COL6A5: variants seen among roughly 807,000 people sequenced by gnomAD.
COL6A5 encodes the protein collagen type VI alpha 5 chain, also known as collagen alpha-5(VI) chain.
A neutral mutation model predicts 65.6 loss-of-function variants in COL6A5; 48 were observed. That is an observed-to-expected ratio of 0.73 (90% CI 0.58 to 0.93). The LOEUF is 0.93. Among genes scored for constraint, COL6A5 ranks in the 40% least tolerant of loss-of-function variants. The pLI is 0.00. For missense variants in COL6A5, 914 were observed against 928.3 expected (o/e 0.98, Z 0.20); for synonymous variants, 291 against 322.8 (o/e 0.90, Z 1.05).
chr3:130,384,798 T>C lies in COL6A5; in HGVS notation c.1301-6T>C, dbSNP rs746522813. 3 of 1,525,026 alleles carry C rather than the reference T, an allele frequency of 2.0e-6. No homozygotes were observed. The highest frequency in any genetic ancestry group is 2.6e-6 in the Non-Finnish European group (3 of 1,136,198). The allele number at this position is 1,525,026 out of a possible 1,614,324, so 94.5% of individuals were successfully genotyped here. A position where few individuals can be genotyped will look rare whatever the true frequency, so the allele number is the denominator to read the frequency against. ...CTAATTTACAGAGAATGCACTTCTT[T>C]TTCAGGCTGTGTGGATACAAAAGAG... On this transcript the variant is annotated splice_region_variant and splice_polypyrimidine_tract_variant and intron_variant and NMD_transcript_variant, in intron 4 of 41. Transcript: ENST00000312481.
At chr3:130,414,808 G>A (rs563256722) in intron 22 of COL6A5, among the ~76,000 whole-genome samples, 5 of 151,970 alleles carry the variant, frequency 3.3e-5, no homozygotes, top group Admixed American at 6.6e-5. Flanking sequence ...CCTATTCTAA[G>A]GTCTTCCCAG....
chr3:130,482,805 C>T (rs1240349783), intron 7 of COL6A5, among the ~76,000 whole-genome samples: 1 of 152,158 alleles, frequency 6.6e-6, no homozygotes, highest in East Asian at 1.9e-4. Context: ...CTCTTTGTAG[C>T]AATCGTGAAT....
chr3:130,400,928 T>C, intron 10 of COL6A5, 103 bp from the exon 11 acceptor site: 2 of 986,554 alleles, frequency 2.0e-6, no homozygotes, highest in Non-Finnish European at 2.8e-6. Flanking sequence ...TTTTTCCCCT[T>C]TTCAATTCTT....
chr3:130,358,569 T>C (rs554086352), intron 1 of COL6A5, among the ~76,000 whole-genome samples: 1 of 152,294 alleles, frequency 6.6e-6, no homozygotes, highest in Admixed American at 6.5e-5. Flanking sequence ...AGTGTACAGT[T>C]CATAGAAAAA....
chr3:130,420,480 C>T (rs1937493535), intron 25 of COL6A5, among the ~76,000 whole-genome samples: 1 of 152,082 alleles, frequency 6.6e-6, no homozygotes, highest in African/African-American at 2.4e-5. Flanking sequence ...AACAACACAG[C>T]AATGAACATT....
chr3:130,368,390 C>T (rs947625184), intron 1 of COL6A5, among the ~76,000 whole-genome samples: 1 of 152,186 alleles, frequency 6.6e-6, no homozygotes, highest in Non-Finnish European at 1.5e-5. Flanking sequence ...CAGTAATTAA[C>T]TCAATCCAGC....
At chr3:130,424,443 G>C (rs1177760931) in intron 29 of COL6A5, among the ~76,000 whole-genome samples, 1 of 152,068 alleles carries the variant, frequency 6.6e-6, no homozygotes, top group African/African-American at 2.4e-5. Context: ...CTCTATTTTA[G>C]TGCCTCCCAG....
chr3:130,408,796 A>C (rs1937084023), intron 17 of COL6A5, among the ~76,000 whole-genome samples: 1 of 152,214 alleles, frequency 6.6e-6, no homozygotes. Context: ...AAAATAGAAA[A>C]GAAACTACGT....
chr3:130,471,706 A>C, intron 7 of COL6A5: 1 of 1,534,758 alleles, frequency 6.5e-7, no homozygotes, highest in South Asian at 1.2e-5. Context: ...TATATGAAAT[A>C]AAGACAGAAA....
chr3:130,471,648 A>T (rs1709954607), intron 7 of COL6A5, 34 bp from the exon 40 acceptor site: 2 of 1,524,496 alleles, frequency 1.3e-6, no homozygotes, highest in Admixed American at 2.0e-5. Context: ...GACTTGGCTA[A>T]CTAATTTTTT....
rs184817386 is a variant in COL6A5, at chr3:130,384,862, C to A, written c.1359C>A (p.Ile453=). The change falls in exon 5 of 42, where the codon ATC becomes ATA. Residue 453 remains isoleucine, a synonymous_variant and NMD_transcript_variant. Coordinates refer to the COL6A5 transcript ENST00000312481. Reference sequence around the variant, plus strand: ...TCCTCATTGATGGCTCAAGCAGCATCCAGGAGAAACAGTTTGAGCAAATCA... The same window carrying A: ...TCCTCATTGATGGCTCAAGCAGCATACAGGAGAAACAGTTTGAGCAAATCA... The A allele has an allele frequency of 6.2e-4, 969 of 1,550,550 alleles. 18 individuals carry two copies. Among genetic ancestry groups the A allele is most frequent in the Non-Finnish European group, 4.3e-5 (49 of 1,146,340 alleles).
chr3:130,405,694 C>G (rs1342298928), intron 14 of COL6A5, 35 bp downstream of exon 14: 2 of 1,438,768 alleles, frequency 1.4e-6, no homozygotes, highest in Non-Finnish European at 1.9e-6. Flanking sequence ...TTCCAATTCT[C>G]TGTAACATTC....
chr3:130,463,329 A>AAATTTC (rs1709742038), intron 5 of COL6A5, among the ~76,000 whole-genome samples: 1 of 34,188 alleles, frequency 2.9e-5, no homozygotes, highest in Admixed American at 2.7e-4. Context: ...TTCAAATTTC[A>AAATTTC]AAGCAGGCCA....
chr3:130,442,514 C>T (rs1202197461), intron 3 of COL6A5, among the ~76,000 whole-genome samples: 1 of 152,180 alleles, frequency 6.6e-6, no homozygotes, highest in African/African-American at 2.4e-5. Flanking sequence ...CTACTGTTGA[C>T]TTCCAGCTGG....
chr3:130,457,171 G>C (rs1709592896), intron 5 of COL6A5, among the ~76,000 whole-genome samples: 1 of 152,046 alleles, frequency 6.6e-6, no homozygotes, highest in Non-Finnish European at 1.5e-5. Context: ...ATGCAAATTA[G>C]AGTAGCCTTC....
intron 3 of COL6A5, among the ~76,000 whole-genome samples, chr3:130,443,119 C>T (rs1199654242): frequency 6.6e-6 from 1 of 152,084 alleles, no homozygotes; most frequent in Non-Finnish European, 1.5e-5. Context: ...TCTGTTTGAT[C>T]CGTTAGCGTA....
At chr3:130,375,004 G>A (rs1276421444) in intron 2 of COL6A5, among the ~76,000 whole-genome samples, 1 of 152,162 alleles carries the variant, frequency 6.6e-6, no homozygotes, top group African/African-American at 2.4e-5. Context: ...AAGATTTCCT[G>A]ATGCATTTCT....
chr3:130,357,093 T>C (rs1449402107), intron 1 of COL6A5, among the ~76,000 whole-genome samples: 2 of 152,118 alleles, frequency 1.3e-5, no homozygotes, highest in Non-Finnish European at 2.9e-5. Context: ...CTAGTTACCA[T>C]AATCCAGACA....
chr3:130,462,749 T>TTGC (rs1462414442), intron 5 of COL6A5, among the ~76,000 whole-genome samples: 1 of 152,106 alleles, frequency 6.6e-6, no homozygotes, highest in Admixed American at 6.6e-5. Flanking sequence ...TCGTATATAG[T>TTGC]TGCTTACTTT....
Sources: gnomAD v4.1 joint callset for allele counts (sites outside exome capture counted in the v4.1 genomes callset) on GRCh38, gnomAD v4.1.1 for gene constraint, MANE v1.5 for transcripts, NCBI Gene and HGNC (gene_info 2026-07-23, HGNC 2026-07-21) for gene names.